FGL1: variants seen among roughly 807,000 people sequenced by gnomAD.
The protein encoded by FGL1 is fibrinogen-like protein 1.
FGL1 carries 59 observed loss-of-function variants against 43.7 expected under a neutral mutation model. That is an observed-to-expected ratio of 1.35 (90% CI 1.10 to 1.68). The LOEUF is 1.68. Among genes scored for constraint, FGL1 ranks in the 40% most tolerant of loss-of-function variants. The pLI, the probability that FGL1 is intolerant of heterozygous loss-of-function variation, is 0.00. For missense variants in FGL1, 596 were observed against 373.0 expected, an observed-to-expected ratio of 1.60 and a Z score of -4.92; for synonymous variants, 192 against 126.5, an observed-to-expected ratio of 1.52 and a Z score of -3.48.
At chr8:17,872,096 G>T (rs190945180) in intron 5 of FGL1, among the ~76,000 whole-genome samples, 1 of 151,924 alleles carries the variant, frequency 6.6e-6, no homozygotes, top group South Asian at 2.1e-4. Context: ...GAAAGGAAGC[G>T]TTATGTAAAT....
intron 2 of FGL1, chr8:17,882,475 G>A (rs766253338): frequency 1.7e-4 from 37 of 213,026 alleles, no homozygotes; most frequent in Admixed American, 8.4e-4. Context: ...AATTCCATGC[G>A]GTAGGAAAGG....
chr8:17,894,369 C>T (rs1239929494), intron 1 of FGL1, among the ~76,000 whole-genome samples: 1 of 147,002 alleles, frequency 6.8e-6, no homozygotes, highest in Non-Finnish European at 1.5e-5. Flanking sequence ...TAAACACAAG[C>T]TTAGAGACTC....
At chr8:17,887,480 AT>A (rs2053644990) in intron 1 of FGL1, among the ~76,000 whole-genome samples, 1 of 152,236 alleles carries the variant, frequency 6.6e-6, no homozygotes, top group Non-Finnish European at 1.5e-5. Context: ...AAATTTCTGT[AT>A]TACAACACTG....
intron 1 of FGL1, chr8:17,891,899 CA>C (rs1366357297): frequency 1.6e-5 from 8 of 501,922 alleles, no homozygotes; most frequent in Non-Finnish European, 2.1e-5. Flanking sequence ...CAATATGTAA[CA>C]GCTTATTTTG....
intron 1 of FGL1, among the ~76,000 whole-genome samples, chr8:17,886,671 T>C (rs572017072): frequency 5.9e-5 from 9 of 152,142 alleles, no homozygotes; most frequent in East Asian, 5.8e-4. Context: ...GGCAGGAGAA[T>C]TGCTTGAACC....
intron 3 of FGL1, among the ~76,000 whole-genome samples, chr8:17,877,806 G>C (rs1354090384): frequency 6.6e-6 from 1 of 152,038 alleles, no homozygotes; most frequent in African/African-American, 2.4e-5. Context: ...TTTTAAATGT[G>C]CAATTAAATT....
intron 5 of FGL1, among the ~76,000 whole-genome samples, chr8:17,872,165 C>G (rs1033536435): frequency 6.6e-6 from 1 of 152,080 alleles, no homozygotes; most frequent in African/African-American, 2.4e-5. Context: ...TCTAGGATTA[C>G]TCATCCTGTC....
At position 17,885,558 on chromosome 8, in the gene FGL1, C is replaced by T. The variant is rs766639216; in HGVS notation, c.-4G>A. 1.2e-6 allele frequency: 2 copies of T among 1,612,916 alleles called. No homozygotes were observed. The highest frequency in any genetic ancestry group is 1.7e-6 in the Non-Finnish European group (2 of 1,179,458). On this transcript the variant is annotated 5_prime_UTR_variant, in exon 2 of 8. Transcript: ENST00000427924. ...TGAAACTGAACACCTTTGCCATGTT[C>T]CCCCTTGAAAAAACTGCAAGAACAA...
At chr8:17,867,935 C>T (rs1166848486) in intron 7 of FGL1, among the ~76,000 whole-genome samples, 2 of 151,992 alleles carry the variant, frequency 1.3e-5, no homozygotes, top group Non-Finnish European at 2.9e-5. Flanking sequence ...CCCATGTACC[C>T]CAGAAATATA....
chr8:17,891,773 T>C lies in FGL1; in HGVS notation c.-18+3674A>G, dbSNP rs866561181. The stretch of plus-strand genomic sequence containing the variant: ...AATTCTTTTGTGTCTGTTGAATTTA[T>C]AAGATGTCTTTATCAGATTCCCTCC... On this transcript the variant is annotated intron_variant, in intron 1 of 7. Transcript: ENST00000427924. The C allele has an allele frequency of 1.3e-5, 13 of 983,714 alleles. No individual in the cohort carries two copies. The African/African-American group carries it at 1.7e-4, about 13-fold the overall frequency. The allele number at this position is 983,714 out of a possible 1,614,324, so 60.9% of individuals were successfully genotyped here.
At chr8:17,893,024 C>T (rs1019096501) in intron 1 of FGL1, among the ~76,000 whole-genome samples, 4 of 152,224 alleles carry the variant, frequency 2.6e-5, no homozygotes, top group African/African-American at 7.2e-5. Flanking sequence ...CATGGCAAAA[C>T]CCCGTCCCTA....
intron 1 of FGL1, among the ~76,000 whole-genome samples, chr8:17,894,229 A>C (rs980522173): frequency 6.8e-6 from 1 of 147,302 alleles, no homozygotes; most frequent in Non-Finnish European, 1.5e-5. Context: ...GTAAAAGGAT[A>C]TATAAAAGAA....
chr8:17,890,265 A>G (rs17634667), intron 1 of FGL1, among the ~76,000 whole-genome samples: 1 of 152,228 alleles, frequency 6.6e-6, no homozygotes, highest in Non-Finnish European at 1.5e-5. Flanking sequence ...TTTTAGAATT[A>G]CAATGAGACA....
chr8:17,865,969 G>T (rs1177131108), intron 7 of FGL1, among the ~76,000 whole-genome samples: 2 of 152,282 alleles, frequency 1.3e-5, no homozygotes, highest in Middle Eastern at 3.4e-3. Context: ...TGTATGTCAA[G>T]TCTGCAAATG....
At chr8:17,874,159 T>G in intron 4 of FGL1, 43 bp from the exon 5 acceptor site, 1 of 1,535,572 alleles carries the variant, frequency 6.5e-7, no homozygotes, top group Non-Finnish European at 9.0e-7. Flanking sequence ...AAACTCCATT[T>G]GTGGTACCAA....
Position 17,864,588 on chromosome 8 carries a change from G to C in FGL1, c.*4C>G. On this transcript the variant is annotated 3_prime_UTR_variant, in exon 8 of 8. Coordinates refer to ENST00000427924, the MANE Select transcript of FGL1 (RefSeq NM_004467.4). Reference sequence around the variant, plus strand: ...TTGCAGAAACGAAAGCCCAACAGCAGCAATTAAATTACATTTGGAATAAAA... The same window carrying C: ...TTGCAGAAACGAAAGCCCAACAGCACCAATTAAATTACATTTGGAATAAAA... The C allele has an allele frequency of 6.2e-7, 1 of 1,601,804 alleles. No homozygotes were observed. Among genetic ancestry groups the C allele is most frequent in the Non-Finnish European group, 8.5e-7 (1 of 1,176,666 alleles).
chr8:17,887,259 A>G (rs693812), intron 1 of FGL1, among the ~76,000 whole-genome samples: 101,103 of 152,028 alleles, frequency 0.67, 34,356 homozygotes, highest in Middle Eastern at 0.74. Flanking sequence ...CTGACATTGG[A>G]GGATTCTCCA....
At position 17,869,023 on chromosome 8, in the gene FGL1, A is replaced by G. The variant is rs768602203; in HGVS notation, c.503-19T>C. ...TAGTCTTCTAAAAAAGAAACAAGCA[A>G]TTATAATTTTTAAAAATGTGTGACA... On this transcript the variant is annotated intron_variant, in intron 5 of 7. Transcript: ENST00000427924. 12 of 1,516,402 alleles carry G rather than the reference A, an allele frequency of 7.9e-6. No homozygotes were observed. In the Admixed American group the frequency reaches 2.0e-4, roughly 25 times the overall value. The allele number at this position is 1,516,402 out of a possible 1,614,324, so 93.9% of individuals were successfully genotyped here. A position where few individuals can be genotyped will look rare whatever the true frequency, so the allele number is the denominator to read the frequency against.
chr8:17,864,503 T>A lies in FGL1; in HGVS notation c.*89A>T. 1.5e-6 allele frequency: 2 copies of A among 1,378,102 alleles called. No individual in the cohort carries two copies. The highest frequency in any genetic ancestry group is 2.0e-6 in the Non-Finnish European group (2 of 1,019,090). 85.4% of individuals were successfully genotyped at this position (1,378,102 alleles called of 1,614,324 possible). ...AAAGCACTACTCACAACAGTTATCATGATTGCGCATGGATATGTTCAGAAT... is the reference window on the plus strand; with the variant it reads ...AAAGCACTACTCACAACAGTTATCAAGATTGCGCATGGATATGTTCAGAAT... On this transcript the variant is annotated 3_prime_UTR_variant, in exon 8 of 8. Coordinates refer to ENST00000427924, the MANE Select transcript of FGL1 (RefSeq NM_004467.4).
Sources: allele counts gnomAD v4.1 joint callset (sites outside exome capture counted in the v4.1 genomes callset), GRCh38; gene constraint gnomAD v4.1.1; transcripts MANE v1.5; gene names NCBI Gene and HGNC (gene_info 2026-07-23, HGNC 2026-07-21).